The following SKAP1 variants were observed in gnomAD, a reference collection of about 807,000 sequenced individuals.
The protein encoded by SKAP1 is src kinase associated phosphoprotein 1.
SKAP1 carries 44 observed loss-of-function variants against 58.5 expected under a neutral mutation model. That is an observed-to-expected ratio of 0.75 (90% confidence interval 0.59 to 0.97). The LOEUF (loss-of-function observed/expected upper bound fraction) is 0.97, where lower values mean the gene tolerates loss of function less well. Among genes scored for constraint, SKAP1 ranks in the 50% least tolerant of loss-of-function variants. SKAP1 has a pLI of 0.00. For missense variants in SKAP1, 390 were observed against 435.2 expected (o/e 0.90, Z 0.92); for synonymous variants, 127 against 149.7 (o/e 0.85, Z 1.11).
At chr17:48,386,305 C>CTTT in intron 2 of SKAP1, among the ~76,000 whole-genome samples, 1 of 115,370 alleles carries the variant, frequency 8.7e-6, no homozygotes, top group Non-Finnish European at 1.8e-5. Context: ...CCATGCTAGA[C>CTTT]CTTTTTTTTT....
rs755523173 is a variant in SKAP1 at position 48,250,272 on chromosome 17, G to GTT, written c.281-60774_281-60773dup. Among the ~76,000 whole-genome samples the GTT allele has an allele frequency of 6.5e-4, 48 of 74,052 alleles. 3 individuals carry two copies. The highest frequency in any genetic ancestry group is 1.5e-3 in the African/African-American group (28 of 18,644). 48.6% of individuals were successfully genotyped at this position (74,052 alleles called of 152,430 possible). ...TACATATATTTTGCTGCCATAGACA[G>GTT]TTTTTTTTTTTTTTTTTTTTTTTTT... On this transcript the variant is annotated intron_variant, in intron 4 of 12. Transcript: ENST00000336915.
At chr17:48,293,749 C>T (rs1481810990) in intron 4 of SKAP1, among the ~76,000 whole-genome samples, 1 of 152,182 alleles carries the variant, frequency 6.6e-6, no homozygotes, top group African/African-American at 2.4e-5. Context: ...AAAGAGGGAA[C>T]ATGGAGTCAG....
intron 11 of SKAP1, among the ~76,000 whole-genome samples, chr17:48,150,351 AAAT>A (rs2063885631): frequency 3.3e-5 from 5 of 152,246 alleles, no homozygotes; most frequent in Admixed American, 3.3e-4. Context: ...GAAAGAATGA[AAAT>A]AATAACACAG....
chr17:48,266,106 G>A (rs953589265), intron 4 of SKAP1, among the ~76,000 whole-genome samples: 4 of 151,828 alleles, frequency 2.6e-5, no homozygotes, highest in East Asian at 1.9e-4. Context: ...AAATATTTCC[G>A]AGATAATCTA....
chr17:48,413,523 A>AAT (rs1555624885), intron 1 of SKAP1, among the ~76,000 whole-genome samples: 1,388 of 105,476 alleles, frequency 0.013, 182 homozygotes, highest in Middle Eastern at 0.022. Flanking sequence ...TCAAAAAAAA[A>AAT]ATATATATAT....
chr17:48,443,245 A>G, the SKAP1 span, among the ~76,000 whole-genome samples: 1 of 152,310 alleles, frequency 6.6e-6, no homozygotes, highest in East Asian at 1.9e-4. Context: ...CAAAACTCAC[A>G]TCCCATCTGT....
intron 4 of SKAP1, among the ~76,000 whole-genome samples, chr17:48,303,187 T>A (rs2066085544): frequency 6.6e-6 from 1 of 152,182 alleles, no homozygotes; most frequent in African/African-American, 2.4e-5. Flanking sequence ...TTGGAGAGTC[T>A]TACTTCACAA....
At chr17:48,184,950 T>C in intron 6 of SKAP1, 103 bp from the exon 7 acceptor site, 1 of 1,145,516 alleles carries the variant, frequency 8.7e-7, no homozygotes, top group South Asian at 1.6e-5. Flanking sequence ...AGCTGTTACA[T>C]CCCTGAGGAA....
rs150268773 is a variant in SKAP1 at position 48,373,965 on chromosome 17, C to A, written c.153-10151G>T. On this transcript the variant is annotated intron_variant, in intron 2 of 12. Transcript: ENST00000336915. ...TTTAAAACACATCATATACTCTCTGCCTTGGTAAACTCCTGCTGAACAAAA... is the reference window on the plus strand; with the variant it reads ...TTTAAAACACATCATATACTCTCTGACTTGGTAAACTCCTGCTGAACAAAA... 3.9e-3 allele frequency among the ~76,000 whole-genome samples: 598 copies of A among 152,266 alleles called. 5 individuals carry two copies. Among genetic ancestry groups the A allele is most frequent in the African/African-American group, 0.014 (575 of 41,544 alleles).
At chr17:48,301,770 C>T (rs1311137987) in intron 4 of SKAP1, among the ~76,000 whole-genome samples, 1 of 152,210 alleles carries the variant, frequency 6.6e-6, no homozygotes, top group Non-Finnish European at 1.5e-5. Context: ...AGCTACCGCA[C>T]CCAGTCTGAA....
chr17:48,180,252 A>G lies in SKAP1; in HGVS notation c.632-4T>C. 4 of 1,557,454 alleles carry G rather than the reference A, an allele frequency of 2.6e-6. No homozygotes were observed. The highest frequency in any genetic ancestry group is 1.7e-4 in the Middle Eastern group (1 of 5,924). ...GGAATGGTTAAGGAGCTCAGATCTA[A>G]CAAGGCAAAGATGAGAATGAATCAA... On this transcript the variant is annotated splice_polypyrimidine_tract_variant and splice_region_variant and intron_variant, in intron 8 of 12. Transcript: ENST00000336915.
At chr17:48,295,039 T>C (rs1767047613) in intron 4 of SKAP1, among the ~76,000 whole-genome samples, 2 of 152,154 alleles carry the variant, frequency 1.3e-5, no homozygotes, top group Admixed American at 1.3e-4. Flanking sequence ...CCAACTTAAA[T>C]GGCTATTTGT....
At position 48,323,439 on chromosome 17, in the gene SKAP1, A is replaced by G. The variant is rs769043281; in HGVS notation, c.280+22466T>C. Among the ~76,000 whole-genome samples the G allele has an allele frequency of 3.5e-4, 54 of 152,236 alleles. 1 individual carries two copies. The highest frequency in any genetic ancestry group is 6.5e-4 in the Non-Finnish European group (44 of 67,992). ...AAAACCAAATAAAAATTTCTCACTT[A>G]GATCATTAGAAAGTTATCCTTGAAA... On this transcript the variant is annotated intron_variant, in intron 4 of 12. Coordinates refer to ENST00000336915, the MANE Select transcript of SKAP1 (RefSeq NM_003726.4).
chr17:48,386,531 T>C (rs2067278424), intron 2 of SKAP1, among the ~76,000 whole-genome samples: 1 of 152,136 alleles, frequency 6.6e-6, no homozygotes, highest in Non-Finnish European at 1.5e-5. Flanking sequence ...AGCCTGAGAG[T>C]CTGCATTGCT....
chr17:48,216,923 G>C (rs1361745222), intron 4 of SKAP1, among the ~76,000 whole-genome samples: 1 of 152,098 alleles, frequency 6.6e-6, no homozygotes, highest in African/African-American at 2.4e-5. Context: ...TTTAAATGTT[G>C]AATTCTTCTA....
intron 4 of SKAP1, among the ~76,000 whole-genome samples, chr17:48,286,316 A>G (rs1479671452): frequency 5.3e-5 from 8 of 152,234 alleles, no homozygotes; most frequent in Non-Finnish European, 1.2e-4. Context: ...GGAATATATA[A>G]CAAGATTTAT....
chr17:48,201,447 T>C (rs536481958), intron 4 of SKAP1, among the ~76,000 whole-genome samples: 1 of 152,092 alleles, frequency 6.6e-6, no homozygotes, highest in African/African-American at 2.4e-5. Flanking sequence ...AGTGGTGCAA[T>C]CATGGCTCAC....
chr17:48,262,676 T>G (rs982999255), intron 4 of SKAP1, among the ~76,000 whole-genome samples: 4 of 152,244 alleles, frequency 2.6e-5, no homozygotes, highest in African/African-American at 9.6e-5. Context: ...AAACAGATTT[T>G]GTGAACATAT....
intron 3 of SKAP1, among the ~76,000 whole-genome samples, chr17:48,353,533 C>A (rs541762573): frequency 6.6e-6 from 1 of 152,144 alleles, no homozygotes; most frequent in East Asian, 1.9e-4. Context: ...AATTGGTAAG[C>A]CAACATTACT....
Sources: gnomAD v4.1 joint callset for allele counts (sites outside exome capture counted in the v4.1 genomes callset) on GRCh38, gnomAD v4.1.1 for gene constraint, MANE v1.5 for transcripts, NCBI Gene and HGNC (gene_info 2026-07-23, HGNC 2026-07-21) for gene names.